TENM4: variants seen among roughly 807,000 people sequenced by gnomAD.
TENM4 encodes teneurin transmembrane protein 4.
In TENM4, 82 loss-of-function variants were observed where a neutral mutation model predicts 243.3. The observed-to-expected ratio is 0.34, with a 90% CI of 0.28 to 0.40. TENM4 has a LOEUF of 0.40. Among genes scored for constraint, TENM4 ranks in the 10% least tolerant of loss-of-function variants. The pLI is 1.00. For missense variants in TENM4, 3,138 were observed against 3,673.3 expected (o/e 0.85, Z 3.77); for synonymous variants, 1,412 against 1,456.3 (o/e 0.97, Z 0.69).
At chr11:78,865,691 G>A (rs1858955756) in intron 9 of TENM4, among the ~76,000 whole-genome samples, 1 of 152,150 alleles carries the variant, frequency 6.6e-6, no homozygotes, top group Non-Finnish European at 1.5e-5. Context: ...ACAAGCCATG[G>A]GGAACACACA....
intron 6 of TENM4, among the ~76,000 whole-genome samples, chr11:78,998,269 G>A (rs1858227796): frequency 6.6e-6 from 1 of 152,190 alleles, no homozygotes; most frequent in Non-Finnish European, 1.5e-5. Flanking sequence ...TCAAGCTGGA[G>A]GACACTGGGC....
intron 2 of TENM4, among the ~76,000 whole-genome samples, chr11:79,275,252 C>T (rs1077191): frequency 0.72 from 107,500 of 150,120 alleles, 38,840 homozygotes; most frequent in African/African-American, 0.83. Flanking sequence ...TCTGTGTGTG[C>T]GCGCGCATGC....
At position 78,733,261 on chromosome 11, in the gene TENM4, T is replaced by A. The variant is rs533581563; in HGVS notation, c.2877-684A>T. Among the ~76,000 whole-genome samples, 44 of 152,298 alleles carry A rather than the reference T, an allele frequency of 2.9e-4. 2 individuals are homozygous for A. The Middle Eastern group carries it at 0.027, about 94-fold the overall frequency. The stretch of plus-strand genomic sequence containing the variant: ...TGCCAGCCTCCTAGTTGAGATGAGA[T>A]CACTGTGACAGCATCTGGAGAGCTG... On this transcript the variant is annotated intron_variant, in intron 20 of 33. Coordinates refer to ENST00000278550, the MANE Select transcript of TENM4 (RefSeq NM_001098816.3).
chr11:78,828,252 T>G (rs954939313), intron 12 of TENM4, among the ~76,000 whole-genome samples: 2 of 152,242 alleles, frequency 1.3e-5, no homozygotes, highest in African/African-American at 4.8e-5. Context: ...CACTGTGATC[T>G]GTCTTCCTCT....
chr11:78,736,475 T>C (rs1180548517), intron 20 of TENM4, among the ~76,000 whole-genome samples: 61 of 131,636 alleles, frequency 4.6e-4, no homozygotes, highest in African/African-American at 1.9e-3. Context: ...TGTGTGTGTG[T>C]GTGTGCGCGC....
intron 3 of TENM4, among the ~76,000 whole-genome samples, chr11:79,152,460 CT>C (rs1862530227): frequency 6.6e-6 from 1 of 152,186 alleles, no homozygotes; most frequent in Admixed American, 6.5e-5. Flanking sequence ...CTCTAGGAAA[CT>C]GAGTGCTTTC....
intron 1 of TENM4, among the ~76,000 whole-genome samples, chr11:79,394,716 G>A (rs1448627550): frequency 6.6e-6 from 1 of 152,198 alleles, no homozygotes; most frequent in Non-Finnish European, 1.5e-5. Flanking sequence ...GTAAGTTAAG[G>A]TGTAGTCCTG....
At chr11:79,258,381 T>G (rs1169149609) in intron 2 of TENM4, among the ~76,000 whole-genome samples, 1 of 152,182 alleles carries the variant, frequency 6.6e-6, no homozygotes, top group Non-Finnish European at 1.5e-5. Context: ...TTTTCCAGCC[T>G]CCCCAAGCTA....
At chr11:78,736,571 A>G (rs1565356427) in intron 20 of TENM4, among the ~76,000 whole-genome samples, 1 of 151,912 alleles carries the variant, frequency 6.6e-6, no homozygotes, top group Non-Finnish European at 1.5e-5. Flanking sequence ...ATGTCCCTGG[A>G]CTTTCAGTCC....
intron 12 of TENM4, among the ~76,000 whole-genome samples, chr11:78,846,868 T>G (rs1388299819): frequency 6.6e-6 from 1 of 152,180 alleles, no homozygotes; most frequent in Non-Finnish European, 1.5e-5. Context: ...CCATATTCAT[T>G]TCCCTTCTCT....
chr11:79,415,198 AT>A (rs1858787288), intron 1 of TENM4, among the ~76,000 whole-genome samples: 5 of 152,226 alleles, frequency 3.3e-5, no homozygotes, highest in Admixed American at 3.3e-4. Context: ...TCCTCAAAGA[AT>A]GTCTGCTGAA....
rs573772246 is a variant in TENM4 at position 78,688,983 on chromosome 11, C to T, written c.5088-757G>A. 9.2e-5 allele frequency among the ~76,000 whole-genome samples: 14 copies of T among 152,308 alleles called. No homozygotes were observed. The South Asian group carries it at 1.0e-3, about 11-fold the overall frequency. On this transcript the variant is annotated intron_variant, in intron 28 of 33. Transcript: ENST00000278550. ...ACCATCATTGAACACCTCCAATATA[C>T]GAGGCATGGTGCTAGTTGCTTTTCA...
chr11:79,364,504 T>C (rs1025837716), intron 1 of TENM4, among the ~76,000 whole-genome samples: 1 of 152,196 alleles, frequency 6.6e-6, no homozygotes, highest in African/African-American at 2.4e-5. Flanking sequence ...TCCGTAGGTA[T>C]GGGAAAGCTA....
intron 1 of TENM4, among the ~76,000 whole-genome samples, chr11:79,332,261 A>AAG (rs1158879387): frequency 2.0e-5 from 3 of 152,162 alleles, no homozygotes; most frequent in African/African-American, 7.2e-5. Context: ...CCCGCAGTGC[A>AAG]GGAGTGGTTT....
chr11:79,181,528 A>T (rs1391434275), intron 3 of TENM4, among the ~76,000 whole-genome samples: 1 of 152,174 alleles, frequency 6.6e-6, no homozygotes, highest in African/African-American at 2.4e-5. Context: ...AAAATCAGGA[A>T]GAAAGCCAGG....
intron 2 of TENM4, among the ~76,000 whole-genome samples, chr11:79,289,936 T>C (rs1166096939): frequency 6.6e-6 from 1 of 152,018 alleles, no homozygotes; most frequent in Non-Finnish European, 1.5e-5. Flanking sequence ...AGAGGTAAGT[T>C]TCTACCTTTT....
chr11:79,408,367 CAGG>C (rs1490779137), intron 1 of TENM4, among the ~76,000 whole-genome samples: 1 of 152,172 alleles, frequency 6.6e-6, no homozygotes, highest in Non-Finnish European at 1.5e-5. Flanking sequence ...AGAGAAACGC[CAGG>C]TTATGAGTTC....
At chr11:79,145,976 C>T (rs1186962426) in intron 4 of TENM4, among the ~76,000 whole-genome samples, 1 of 151,982 alleles carries the variant, frequency 6.6e-6, no homozygotes, top group Middle Eastern at 3.2e-3. Flanking sequence ...TCTTTTCTTA[C>T]TGATTTATAG....
intron 14 of TENM4, among the ~76,000 whole-genome samples, chr11:78,809,586 C>A (rs1857455367): frequency 2.6e-5 from 4 of 152,108 alleles, no homozygotes; most frequent in Admixed American, 2.0e-4. Context: ...GCTTCAGGAA[C>A]AATGGTGATT....
Sources: gnomAD v4.1 joint callset for allele counts (sites outside exome capture counted in the v4.1 genomes callset) on GRCh38, gnomAD v4.1.1 for gene constraint, MANE v1.5 for transcripts, NCBI Gene and HGNC (gene_info 2026-07-23, HGNC 2026-07-21) for gene names.